TEX11: variants seen among roughly 807,000 people sequenced by gnomAD.
The protein encoded by TEX11 is testis expressed 11.
A neutral mutation model predicts 84.4 loss-of-function variants in TEX11; 7 were observed. The observed-to-expected ratio is 0.08, with a 90% CI of 0.05 to 0.16. The LOEUF (loss-of-function observed/expected upper bound fraction) is 0.16. Ranked by LOEUF, TEX11 falls within the 10% of genes least tolerant of loss-of-function variation. The pLI is 1.00. For missense variants in TEX11, 551 were observed against 660.5 expected (o/e 0.83, Z 1.82); for synonymous variants, 264 against 222.8 (o/e 1.18, Z -1.64).
chrX:70,900,075 G>A, intron 2 of TEX11, among the ~76,000 whole-genome samples: 1 of 106,334 alleles, frequency 9.4e-6, no homozygotes, highest in East Asian at 3.0e-4. Context: ...GGAGGCTGAG[G>A]CACGAGAATC....
chrX:70,769,856 T>C (rs1179970307), intron 9 of TEX11, among the ~76,000 whole-genome samples: 1 of 112,054 alleles, frequency 8.9e-6, no homozygotes, highest in Non-Finnish European at 1.9e-5. Flanking sequence ...TGCTAATACC[T>C]ACCTTTCCAT....
At chrX:70,559,457 T>C (rs2088333564) in intron 25 of TEX11, among the ~76,000 whole-genome samples, 1 of 112,271 alleles carries the variant, frequency 8.9e-6, no homozygotes, top group Non-Finnish European at 1.9e-5. Flanking sequence ...CCTTTTGAGG[T>C]AATAAAATGT....
At chrX:70,572,759 C>A (rs2088619539) in intron 25 of TEX11, among the ~76,000 whole-genome samples, 1 of 104,101 alleles carries the variant, frequency 9.6e-6, no homozygotes, top group Non-Finnish European at 1.9e-5. Flanking sequence ...GGACAAAAAA[C>A]CAAGCACCGC....
chrX:70,560,894 T>G (rs1004160671), intron 25 of TEX11, among the ~76,000 whole-genome samples: 2 of 5,668 alleles, frequency 3.5e-4, no homozygotes, highest in Non-Finnish European at 8.6e-4. Flanking sequence ...ACCACACCGG[T>G]TTTTTTTTTT....
intron 28 of TEX11, among the ~76,000 whole-genome samples, chrX:70,536,867 T>G (rs753260383): frequency 7.1e-5 from 8 of 112,133 alleles, no homozygotes; most frequent in Non-Finnish European, 9.4e-5. Flanking sequence ...TTTGACTGAA[T>G]TTATTGCATT....
At chrX:70,750,717 A>G (rs2147756533) in intron 9 of TEX11, among the ~76,000 whole-genome samples, 1 of 98,691 alleles carries the variant, frequency 1.0e-5, no homozygotes, top group East Asian at 3.3e-4. Context: ...TGGGAATTGA[A>G]CAATGAGATC....
chrX:70,755,219 T>G (rs1309962616), intron 9 of TEX11, among the ~76,000 whole-genome samples: 1 of 111,993 alleles, frequency 8.9e-6, no homozygotes, highest in African/African-American at 3.3e-5. Context: ...TCGAAGAAAT[T>G]CAAGATAACA....
At chrX:70,788,965 TATATATATAGAG>T (rs1173716900) in intron 9 of TEX11, among the ~76,000 whole-genome samples, 14 of 39,999 alleles carry the variant, frequency 3.5e-4, no homozygotes, top group East Asian at 1.7e-3. Context: ...TATATATATA[TATATATATAGAG>T]AGAGAGAGAG....
At chrX:70,554,599 C>A in intron 26 of TEX11, 52 bp downstream of exon 26, 1 of 1,087,348 alleles carries the variant, frequency 9.2e-7, no homozygotes. Context: ...GAAAAAAAGT[C>A]ATACGATCTA....
At chrX:70,525,897 G>C (rs1313321079), downstream of TEX11, among the ~76,000 whole-genome samples, 3 of 111,779 alleles carry the variant, frequency 2.7e-5, no homozygotes, top group Non-Finnish European at 5.6e-5. Context: ...AGCCCGGTGA[G>C]TCAACAACAT....
intron 20 of TEX11, among the ~76,000 whole-genome samples, chrX:70,611,928 G>C (rs2089265519): frequency 9.0e-6 from 1 of 111,195 alleles, no homozygotes; most frequent in South Asian, 3.9e-4. Flanking sequence ...TTGAATCCAG[G>C]AGTTTGAGAC....
intron 9 of TEX11, among the ~76,000 whole-genome samples, chrX:70,777,567 T>G (rs1228457960): frequency 8.9e-6 from 1 of 112,015 alleles, no homozygotes; most frequent in Non-Finnish European, 1.9e-5. Flanking sequence ...GAGAATTACT[T>G]GAACCCAGGA....
chrX:70,683,438 T>C (rs1442963554), intron 13 of TEX11, among the ~76,000 whole-genome samples: 1 of 111,304 alleles, frequency 9.0e-6, no homozygotes, highest in Admixed American at 9.6e-5. Flanking sequence ...TGAGACTAGC[T>C]TGGGCAAGAT....
At chrX:70,888,310 T>G (rs2091720625) in intron 2 of TEX11, among the ~76,000 whole-genome samples, 1 of 112,546 alleles carries the variant, frequency 8.9e-6, no homozygotes, top group Admixed American at 9.4e-5. Context: ...TTGAGGAAAC[T>G]CAAAGAAATT....
rs1169707708 is a variant in TEX11 at position 70,750,933 on chromosome X, A to AATAT, written c.693-6718_693-6715dup. 8.0e-3 allele frequency among the ~76,000 whole-genome samples: 224 copies of AATAT among 28,158 alleles called. 5 individuals carry two copies. The highest frequency in any genetic ancestry group is 0.013 in the South Asian group (5 of 396). The allele number at this position is 28,158 out of a possible 115,157, so 24.5% of individuals were successfully genotyped here. On this transcript the variant is annotated intron_variant, in intron 9 of 29. Transcript: ENST00000374333. Reference sequence around the variant, plus strand: ...ACTTAAAGTATAATAAAAAAAAAAAAATATATATATATATATATATATATA... The same window carrying AATAT: ...ACTTAAAGTATAATAAAAAAAAAAAAATATATATATATATATATATATATATATA...
At chrX:70,532,782 T>G (rs2087905192) in intron 28 of TEX11, among the ~76,000 whole-genome samples, 2 of 111,166 alleles carry the variant, frequency 1.8e-5, no homozygotes, top group Admixed American at 1.9e-4. Flanking sequence ...CTTGTGCCTG[T>G]AATCCCAGCA....
chrX:70,755,951 T>C (rs2090864325), intron 9 of TEX11, among the ~76,000 whole-genome samples: 1 of 112,720 alleles, frequency 8.9e-6, no homozygotes, highest in Admixed American at 9.3e-5. Context: ...CCTCCCGTGC[T>C]TGGCTCGGCG....
intron 13 of TEX11, among the ~76,000 whole-genome samples, chrX:70,710,316 T>C (rs1053630262): frequency 1.8e-5 from 2 of 111,767 alleles, no homozygotes; most frequent in Non-Finnish European, 3.8e-5. Flanking sequence ...AGTCATAGCA[T>C]GTTTGTAGAA....
rs1448502992 is a variant in TEX11 at position 70,568,463 on chromosome X, T to G, written c.2141-13663A>C. 3.6e-5 allele frequency among the ~76,000 whole-genome samples: 4 copies of G among 110,379 alleles called. No homozygotes were observed. In the East Asian group the frequency reaches 1.1e-3, roughly 31 times the overall value. On this transcript the variant is annotated intron_variant, in intron 25 of 29. Coordinates refer to ENST00000374333, the MANE Select transcript of TEX11 (RefSeq NM_031276.3). ...TCCTGTCATTATGATGTTAGCTGGT[T>G]ATTTTGCTCGTTAGTTGATGCAGTT...
Sources: gnomAD v4.1 joint callset for allele counts (sites outside exome capture counted in the v4.1 genomes callset) on GRCh38, gnomAD v4.1.1 for gene constraint, MANE v1.5 for transcripts, NCBI Gene and HGNC (gene_info 2026-07-23, HGNC 2026-07-21) for gene names.